MORC3: variants seen among roughly 807,000 people sequenced by gnomAD.
The protein encoded by MORC3 is MORC family CW-type zinc finger 3.
A neutral mutation model predicts 109.1 loss-of-function variants in MORC3; 31 were observed. That is an observed-to-expected ratio of 0.28 (90% CI 0.21 to 0.38). MORC3 has a LOEUF of 0.38. MORC3 is among the 10% of genes least tolerant of loss of function. The probability of loss-of-function intolerance (pLI) is 1.00; values close to 1 mark genes in which losing one functional copy is unlikely to be tolerated. For missense variants in MORC3, 867 were observed against 1,135.8 expected, an observed-to-expected ratio of 0.76 and a Z score of 3.40; for synonymous variants, 395 against 380.7, an observed-to-expected ratio of 1.04 and a Z score of -0.44.
In MORC3 at chr21:36,366,412, G is replaced by A. The variant is rs146743542; in HGVS notation, c.1619+2153G>A. 3.0e-3 allele frequency among the ~76,000 whole-genome samples: 458 copies of A among 151,802 alleles called. 2 individuals are homozygous for A. The highest frequency in any genetic ancestry group is 9.8e-3 in the African/African-American group (407 of 41,416). ...AAAGAAAATTTTTTAAAAGTTGGCCGTCATCAAAATGGAAGACAAGAATAA... is the reference window on the plus strand; with the variant it reads ...AAAGAAAATTTTTTAAAAGTTGGCCATCATCAAAATGGAAGACAAGAATAA... On this transcript the variant is annotated intron_variant, in intron 14 of 16. Transcript: ENST00000400485.
At chr21:36,323,929 GCAAGGGC>G (rs1209178147) in intron 1 of MORC3, among the ~76,000 whole-genome samples, 1 of 151,740 alleles carries the variant, frequency 6.6e-6, no homozygotes, top group East Asian at 1.9e-4. Context: ...AGACTGGAGT[GCAAGGGC>G]GTGATCTCGG....
At position 36,325,752 on chromosome 21, in the gene MORC3, A is replaced by G. The variant is rs140385248; in HGVS notation, c.39+5449A>G. Among the ~76,000 whole-genome samples the G allele has an allele frequency of 2.1e-3, 320 of 152,318 alleles. 1 individual carries two copies. Among genetic ancestry groups the G allele is most frequent in the African/African-American group, 7.1e-3 (295 of 41,564 alleles). ...GAAAGTATTAAATGGAAAATTGTAG[A>G]AATAGTTCATAAATTCTAAACTGTG... On this transcript the variant is annotated intron_variant, in intron 1 of 16. Transcript: ENST00000400485.
At chr21:36,343,983 A>G (rs2085480796) in intron 6 of MORC3, among the ~76,000 whole-genome samples, 1 of 152,156 alleles carries the variant, frequency 6.6e-6, no homozygotes, top group Non-Finnish European at 1.5e-5. Context: ...TCAAGTATGA[A>G]ACAGGTTCAG....
At chr21:36,326,818 ATT>A (rs879920096) in intron 1 of MORC3, among the ~76,000 whole-genome samples, 6 of 144,550 alleles carry the variant, frequency 4.2e-5, no homozygotes, top group Admixed American at 7.0e-5. Flanking sequence ...AAATTTAAAG[ATT>A]TTTTTTTTTT....
chr21:36,341,337 G>A, intron 5 of MORC3, 62 bp from the exon 6 acceptor site: 2 of 1,466,552 alleles, frequency 1.4e-6, no homozygotes, highest in Non-Finnish European at 1.9e-6. Flanking sequence ...GACTTACAGT[G>A]TTTGCTGGCT....
In MORC3 at chr21:36,331,171, G is replaced by A. The variant is rs147241383; in HGVS notation, c.40-2475G>A. The stretch of plus-strand genomic sequence containing the variant: ...GATCTACAGTCTAATCATATTTTTA[G>A]GGCTCTTCACACTGCAAAGTGCTTT... On this transcript the variant is annotated intron_variant, in intron 1 of 16. Transcript: ENST00000400485. Among the ~76,000 whole-genome samples, 44 of 152,294 alleles carry A rather than the reference G, an allele frequency of 2.9e-4. 1 individual carries two copies. In the East Asian group the frequency reaches 6.0e-3, roughly 21 times the overall value.
At chr21:36,357,398 C>G (rs1159941572) in intron 10 of MORC3, among the ~76,000 whole-genome samples, 1 of 152,042 alleles carries the variant, frequency 6.6e-6, no homozygotes, top group African/African-American at 2.4e-5. Flanking sequence ...GTATAGACTT[C>G]CCATCGTACT....
intron 10 of MORC3, 96 bp downstream of exon 10, chr21:36,356,820 G>A: frequency 1.5e-6 from 1 of 684,714 alleles, no homozygotes; most frequent in Non-Finnish European, 2.3e-6. Context: ...ACTTAGGACT[G>A]TAACTCATAG....
intron 6 of MORC3, among the ~76,000 whole-genome samples, chr21:36,343,435 T>G (rs527964694): frequency 6.9e-6 from 1 of 144,160 alleles, no homozygotes; most frequent in East Asian, 2.1e-4. Flanking sequence ...CATGTGATAC[T>G]AACTTTTTGC....
At chr21:36,353,753 G>GTCTTTTTTTTT (rs1334368761) in intron 9 of MORC3, among the ~76,000 whole-genome samples, 1 of 26,408 alleles carries the variant, frequency 3.8e-5, no homozygotes, top group Non-Finnish European at 6.2e-5. Flanking sequence ...GCTAATTTTT[G>GTCTTTTTTTTT]TATTTTTTTT....
At chr21:36,328,330 G>C (rs1014647478) in intron 1 of MORC3, among the ~76,000 whole-genome samples, 1 of 138,040 alleles carries the variant, frequency 7.2e-6, no homozygotes, top group Non-Finnish European at 1.6e-5. Context: ...ATAATAATAA[G>C]CCCCCCCCCG....
chr21:36,329,846 TTTTC>T (rs1256665128), intron 1 of MORC3, among the ~76,000 whole-genome samples: 1 of 152,002 alleles, frequency 6.6e-6, no homozygotes, highest in Admixed American at 6.6e-5. Context: ...CCCTTTTTTC[TTTTC>T]TTTTTTTGTT....
intron 1 of MORC3, among the ~76,000 whole-genome samples, chr21:36,332,834 C>T (rs1450334368): frequency 6.8e-6 from 1 of 146,884 alleles, no homozygotes; most frequent in African/African-American, 2.5e-5. Context: ...GTTGCCCAGG[C>T]TGGAGTGCAG....
chr21:36,329,778 C>G (rs190203421), intron 1 of MORC3, among the ~76,000 whole-genome samples: 1 of 152,226 alleles, frequency 6.6e-6, no homozygotes, highest in African/African-American at 2.4e-5. Flanking sequence ...CTTGAAATTG[C>G]CTTGCAAAGT....
At chr21:36,353,755 ATTTTTTT>A (rs1202729285) in intron 9 of MORC3, among the ~76,000 whole-genome samples, 1 of 71,012 alleles carries the variant, frequency 1.4e-5, no homozygotes, top group East Asian at 6.1e-4. Flanking sequence ...TAATTTTTGT[ATTTTTTT>A]TTTTTTTTTT....
intron 9 of MORC3, among the ~76,000 whole-genome samples, chr21:36,351,057 CTTTTT>C (rs748042243): frequency 2.7e-3 from 191 of 71,428 alleles, no homozygotes; most frequent in African/African-American, 9.4e-3. Context: ...GGTTGTCCTC[CTTTTT>C]TTTTTTTTTT....
At chr21:36,346,789 A>G (rs924563653) in intron 8 of MORC3, among the ~76,000 whole-genome samples, 3 of 152,092 alleles carry the variant, frequency 2.0e-5, no homozygotes, top group Non-Finnish European at 4.4e-5. Flanking sequence ...AGTCTAGGCA[A>G]CAGGGTGAGG....
rs1284133198 is a variant in MORC3, at chr21:36,360,170, A to G, written c.1332-14A>G. On this transcript the variant is annotated splice_polypyrimidine_tract_variant and intron_variant, in intron 11 of 16. Transcript: ENST00000400485. ...GCTGGTGACATGTTATTCCTATGTG[A>G]TTTTTCTGAATAGAAATTGTGAGGT... 2 of 1,614,056 alleles carry G rather than the reference A, an allele frequency of 1.2e-6. No homozygotes were observed. Among genetic ancestry groups the G allele is most frequent in the East Asian group, 2.2e-5 (1 of 44,866 alleles).
At chr21:36,342,648 C>T (rs1477183907) in intron 6 of MORC3, among the ~76,000 whole-genome samples, 1 of 152,052 alleles carries the variant, frequency 6.6e-6, no homozygotes, top group Non-Finnish European at 1.5e-5. Flanking sequence ...AAGTGATCCA[C>T]CTGCCTCAGC....
Sources: allele counts gnomAD v4.1 joint callset (sites outside exome capture counted in the v4.1 genomes callset), GRCh38; gene constraint gnomAD v4.1.1; transcripts MANE v1.5; gene names NCBI Gene and HGNC (gene_info 2026-07-23, HGNC 2026-07-21).